The following DNAI7 variants were observed in gnomAD, a reference collection of about 807,000 sequenced individuals.
The protein encoded by DNAI7 is dynein axonemal intermediate chain 7, also known as cancer susceptibility 1.
In DNAI7, 78 loss-of-function variants were observed where a neutral mutation model predicts 86.6. The ratio of observed to expected loss-of-function variants is 0.90; its 90% CI spans 0.75 to 1.09. The LOEUF is 1.09. Among genes scored for constraint, DNAI7 ranks in the 50% least tolerant of loss-of-function variants. The pLI, the probability that DNAI7 is intolerant of heterozygous loss-of-function variation, is 0.00. For missense variants in DNAI7, 753 were observed against 810.2 expected (o/e 0.93, Z 0.86); for synonymous variants, 274 against 273.0 (o/e 1.00, Z -0.04).
chr12:25,147,230 A>G (rs1944971149), intron 7 of DNAI7, 126 bp from the exon 8 acceptor site: 2 of 552,360 alleles, frequency 3.6e-6, no homozygotes, highest in Non-Finnish European at 6.4e-6. Flanking sequence ...TAACTTGGGT[A>G]AAAATAAGGT....
rs374125259 is a variant in DNAI7, at chr12:25,154,464, A to C, written c.301-8T>G. The C allele has an allele frequency of 9.1e-5, 145 of 1,599,920 alleles. No homozygotes were observed. The highest frequency in any genetic ancestry group is 1.2e-4 in the Non-Finnish European group (138 of 1,176,930). ...TTGAATGTAGTGCTTCCACTGTGGA[A>C]TAAAAATGTTTAAAGGTTCACATTG... On this transcript the variant is annotated splice_polypyrimidine_tract_variant and splice_region_variant and intron_variant, in intron 5 of 15. Coordinates refer to ENST00000395987, the MANE Select transcript of DNAI7 (RefSeq NM_018272.5).
At chr12:25,142,830 C>T (rs892021305) in intron 9 of DNAI7, among the ~76,000 whole-genome samples, 3 of 151,968 alleles carry the variant, frequency 2.0e-5, no homozygotes, top group African/African-American at 7.2e-5. Flanking sequence ...CTATTTTTTT[C>T]CCCCTTGGAA....
At chr12:25,153,195 C>T (rs1253002057) in intron 6 of DNAI7, among the ~76,000 whole-genome samples, 1 of 152,112 alleles carries the variant, frequency 6.6e-6, no homozygotes, top group Admixed American at 6.5e-5. Flanking sequence ...GCTGAGGCTG[C>T]TGGATCATTT....
chr12:25,137,798 G>A (rs995117440), intron 9 of DNAI7, among the ~76,000 whole-genome samples: 1 of 151,736 alleles, frequency 6.6e-6, no homozygotes, highest in Non-Finnish European at 1.5e-5. Flanking sequence ...AGACAAAGAG[G>A]GACACTACAT....
intron 7 of DNAI7, among the ~76,000 whole-genome samples, chr12:25,147,966 AAC>A (rs1391833401): frequency 2.6e-5 from 4 of 152,326 alleles, no homozygotes; most frequent in Admixed American, 6.5e-5. Context: ...AATAAAAACT[AAC>A]ACAGTTTGAT....
chr12:25,178,139 C>T (rs1355859530), intron 2 of DNAI7, among the ~76,000 whole-genome samples: 1 of 152,004 alleles, frequency 6.6e-6, no homozygotes, highest in Non-Finnish European at 1.5e-5. Context: ...AGGAGTGTTC[C>T]CCCTTTTGTC....
intron 7 of DNAI7, 24 bp downstream of exon 7, chr12:25,149,604 A>G: frequency 6.5e-7 from 1 of 1,541,712 alleles, no homozygotes; most frequent in African/African-American, 1.4e-5. Flanking sequence ...AAAACTTAAT[A>G]TATAAGCAAA....
At chr12:25,141,590 G>T (rs1944189469) in intron 9 of DNAI7, among the ~76,000 whole-genome samples, 1 of 152,182 alleles carries the variant, frequency 6.6e-6, no homozygotes, top group Non-Finnish European at 1.5e-5. Context: ...CAGCACTTTG[G>T]GAGGCCAAGG....
intron 2 of DNAI7, among the ~76,000 whole-genome samples, chr12:25,172,296 T>C (rs1948224903): frequency 1.3e-5 from 2 of 152,122 alleles, no homozygotes; most frequent in African/African-American, 4.8e-5. Flanking sequence ...AGTTCTTCTA[T>C]ACACCAAAAG....
At chr12:25,158,670 G>C (rs1200010578) in intron 3 of DNAI7, 107 bp from the exon 4 acceptor site, 1 of 1,506,174 alleles carries the variant, frequency 6.6e-7, no homozygotes, top group African/African-American at 1.4e-5. Context: ...ATCTTTTATA[G>C]AAGTCACAGT....
intron 9 of DNAI7, among the ~76,000 whole-genome samples, chr12:25,140,017 G>A (rs139760902): frequency 1.0e-3 from 159 of 152,172 alleles, no homozygotes; most frequent in African/African-American, 3.0e-3. Context: ...ACAACTCTCA[G>A]CAAAATCGGC....
chr12:25,175,356 T>C (rs944021995), intron 2 of DNAI7, among the ~76,000 whole-genome samples: 1 of 152,096 alleles, frequency 6.6e-6, no homozygotes, highest in Non-Finnish European at 1.5e-5. Flanking sequence ...GGATGAACTA[T>C]ATGTTTTGCT....
rs57454187 is a variant in DNAI7 at position 25,124,032 on chromosome 12, T to TTGTGTGTGTGTGTGTGTGTGTG, written c.1003-768_1003-747dup. On this transcript the variant is annotated intron_variant, in intron 9 of 15. Coordinates refer to ENST00000395987, the MANE Select transcript of DNAI7 (RefSeq NM_018272.5). ...AAATGCAGTGTTGCTAGTATAAAAA[T>TTGTGTGTGTGTGTGTGTGTGTG]TGTGTGTGTGTGTGTGTGTGTGTGT... is the stretch of plus-strand genomic sequence containing the variant. 7.2e-3 allele frequency among the ~76,000 whole-genome samples: 1,039 copies of TTGTGTGTGTGTGTGTGTGTGTG among 144,650 alleles called. 15 individuals carry two copies. The highest frequency in any genetic ancestry group is 0.012 in the East Asian group (56 of 4,758). 94.9% of individuals were successfully genotyped at this position (144,650 alleles called of 152,430 possible).
At chr12:25,140,788 T>C (rs1484360319) in intron 9 of DNAI7, among the ~76,000 whole-genome samples, 5 of 152,092 alleles carry the variant, frequency 3.3e-5, no homozygotes, top group East Asian at 1.9e-4. Context: ...TCTGGAGGCA[T>C]TGCATTACCT....
downstream of DNAI7, chr12:25,107,732 A>C: frequency 7.4e-7 from 1 of 1,352,776 alleles, no homozygotes. Context: ...TGAAGGGCAG[A>C]TCACCTGACT....
intron 7 of DNAI7, among the ~76,000 whole-genome samples, chr12:25,147,326 C>T (rs1944983498): frequency 6.6e-6 from 1 of 152,078 alleles, no homozygotes; most frequent in African/African-American, 2.4e-5. Flanking sequence ...CTCCTTTTTC[C>T]ATTCAGTTTC....
chr12:25,154,859 G>A (rs1273484175), intron 5 of DNAI7, among the ~76,000 whole-genome samples: 3 of 152,080 alleles, frequency 2.0e-5, no homozygotes, highest in African/African-American at 7.2e-5. Context: ...CATTCATTTT[G>A]TAGTTTATGC....
intron 9 of DNAI7, among the ~76,000 whole-genome samples, chr12:25,141,280 A>G (rs10842483): frequency 0.18 from 27,584 of 152,196 alleles, 2,627 homozygotes; most frequent in Middle Eastern, 0.24. Flanking sequence ...CAACCCACAG[A>G]GTGGGAGAAA....
intron 9 of DNAI7, among the ~76,000 whole-genome samples, chr12:25,124,185 T>G (rs1478474511): frequency 6.6e-6 from 1 of 152,084 alleles, no homozygotes; most frequent in Non-Finnish European, 1.5e-5. Flanking sequence ...AGCTAGTTAT[T>G]CCCATGACTC....
Sources: allele counts gnomAD v4.1 joint callset (sites outside exome capture counted in the v4.1 genomes callset), GRCh38; gene constraint gnomAD v4.1.1; transcripts MANE v1.5; gene names NCBI Gene and HGNC (gene_info 2026-07-23, HGNC 2026-07-21).